MCF2L: variants seen among roughly 807,000 people sequenced by gnomAD.
MCF2L encodes the protein MCF.2 cell line derived transforming sequence like.
MCF2L carries 97 observed loss-of-function variants against 153.4 expected under a neutral mutation model. The ratio of observed to expected loss-of-function variants is 0.63; its 90% CI spans 0.54 to 0.75. The LOEUF is 0.75. Among genes scored for constraint, MCF2L ranks in the 30% least tolerant of loss-of-function variants. The pLI is 0.00. For missense variants in MCF2L, 1,347 were observed against 1,495.2 expected (o/e 0.90, Z 1.64); for synonymous variants, 659 against 632.2 (o/e 1.04, Z -0.64).
At chr13:112,973,393 T>G (rs989437272) in intron 1 of MCF2L, among the ~76,000 whole-genome samples, 4 of 152,228 alleles carry the variant, frequency 2.6e-5, no homozygotes, top group Non-Finnish European at 5.9e-5. Flanking sequence ...TACAGAAACA[T>G]TTAAAAAACA....
intron 2 of MCF2L, among the ~76,000 whole-genome samples, chr13:112,927,501 G>A (rs558513024): frequency 6.6e-6 from 1 of 152,128 alleles, no homozygotes; most frequent in South Asian, 2.1e-4. Flanking sequence ...TGTTTCCAAC[G>A]AGCCTACAAC....
chr13:112,919,274 C>T (rs1594325635), intron 2 of MCF2L, among the ~76,000 whole-genome samples: 5 of 136,290 alleles, frequency 3.7e-5, no homozygotes, highest in Admixed American at 3.2e-4. Context: ...GGCGGGATCT[C>T]GGCTCACTGC....
intron 3 of MCF2L, chr13:113,044,908 T>C (rs1315565098): frequency 6.2e-7 from 1 of 1,611,524 alleles, no homozygotes; most frequent in Non-Finnish European, 8.5e-7. Context: ...ATAAGACTGT[T>C]TTGGAGGGTT....
chr13:113,070,457 T>C lies in MCF2L; in HGVS notation c.996+284T>C, dbSNP rs191158753. ...GTAAAGTAGCAGGAAGCCTTTGCTC[T>C]CCCTTCATAGTCATTTGCATGCCCT... On this transcript the variant is annotated intron_variant, in intron 9 of 29. Coordinates refer to ENST00000535094, the MANE Select transcript of MCF2L (RefSeq NM_001112732.3). This position sits in a 1 kb window ranked among gnomAD's most constrained non-coding sequence, Gnocchi z 5.6. 1.2e-5 allele frequency: 3 copies of C among 242,878 alleles called. No individual in the cohort carries two copies. The highest frequency in any genetic ancestry group is 2.4e-5 in the Non-Finnish European group (3 of 126,876). 15.0% of individuals were successfully genotyped at this position (242,878 alleles called of 1,614,324 possible).
intron 2 of MCF2L, among the ~76,000 whole-genome samples, chr13:112,914,819 G>A (rs562690513): frequency 5.3e-5 from 8 of 151,564 alleles, no homozygotes; most frequent in African/African-American, 1.7e-4. Context: ...GAGTTTAGCT[G>A]TAGTGATGTG....
intron 11 of MCF2L, 141 bp from the exon 12 acceptor site, chr13:113,075,825 G>A: frequency 1.6e-6 from 1 of 630,372 alleles, no homozygotes; most frequent in Non-Finnish European, 2.7e-6. Context: ...CCCTTGGGGT[G>A]CTTTGGACAG....
At position 113,096,631 on chromosome 13, in the gene MCF2L, G is replaced by C; in HGVS notation, c.3270G>C (p.Ser1090=). 4 of 1,591,394 alleles carry C rather than the reference G, an allele frequency of 2.5e-6. No individual in the cohort carries two copies. Among genetic ancestry groups the C allele is most frequent in the Non-Finnish European group, 2.6e-6 (3 of 1,175,014 alleles). The change falls in exon 29 of 30, where the codon TCG becomes TCC. Residue 1090 remains serine (S), a synonymous_variant. Coordinates refer to ENST00000535094, the MANE Select transcript of MCF2L (RefSeq NM_001112732.3). ...CCGTCCGGCTCGGCCCGTCCGGCTC[G>C]GCCCAGTGCCTGAGCAGCTCAGGTA... The part of the protein sequence containing the change: ...SLSVRLGPSG[S]AQCLSSSESS...
chr13:113,071,444 T>A (rs9549656), intron 9 of MCF2L, among the ~76,000 whole-genome samples: 40,286 of 152,154 alleles, frequency 0.26, 5,953 homozygotes, highest in East Asian at 0.53. Flanking sequence ...CCTTTTAAGG[T>A]TTATACTTTT....
At chr13:112,924,679 A>G (rs1436842181) in intron 2 of MCF2L, among the ~76,000 whole-genome samples, 1 of 152,240 alleles carries the variant, frequency 6.6e-6, no homozygotes, top group East Asian at 1.9e-4. Flanking sequence ...ATTAATGCAT[A>G]CACTTAAGGA....
chr13:113,057,221 T>C (rs1258307368), intron 4 of MCF2L, among the ~76,000 whole-genome samples: 1 of 140,020 alleles, frequency 7.1e-6, no homozygotes, highest in Non-Finnish European at 1.5e-5. Context: ...TGCTGTGTGT[T>C]TGGGTACTGA....
intron 2 of MCF2L, among the ~76,000 whole-genome samples, chr13:112,918,668 G>C (rs1359226127): frequency 6.6e-6 from 1 of 152,222 alleles, no homozygotes; most frequent in African/African-American, 2.4e-5. Context: ...CACTCAGCTG[G>C]CTGGCATTTC....
intron 1 of MCF2L, among the ~76,000 whole-genome samples, chr13:112,970,620 C>T (rs528810788): frequency 9.9e-5 from 15 of 152,118 alleles, no homozygotes; most frequent in East Asian, 3.9e-4. Context: ...GGGAGGCTTC[C>T]GATCGGCTGT....
At chr13:112,950,524 G>A (rs562426012) in intron 2 of MCF2L, among the ~76,000 whole-genome samples, 111 of 152,288 alleles carry the variant, frequency 7.3e-4, no homozygotes, top group African/African-American at 2.6e-3. Flanking sequence ...GTGGTCCTGG[G>A]CAGACTGACA....
Position 113,088,676 on chromosome 13 carries a change from G to A in MCF2L, c.2834+48G>A, listed in dbSNP as rs146544269. ...AGGCCTGCGTTTCTGGAGCAGTCCC[G>A]AGCAGGCCATTTGCACGCCAGGGTC... On this transcript the variant is annotated intron_variant, in intron 25 of 29. Coordinates refer to ENST00000535094, the MANE Select transcript of MCF2L (RefSeq NM_001112732.3). The A allele has an allele frequency of 6.2e-3, 9,757 of 1,577,066 alleles. 54 individuals carry two copies. Among genetic ancestry groups the A allele is most frequent in the Middle Eastern group, 9.1e-3 (54 of 5,950 alleles).
At chr13:113,061,733 C>CTCCCTCTTCCCTTTCCCCTCCCT (rs1594888762) in intron 5 of MCF2L, among the ~76,000 whole-genome samples, 4 of 92,648 alleles carry the variant, frequency 4.3e-5, no homozygotes, top group African/African-American at 1.7e-4. Flanking sequence ...TTGCCCTCCC[C>CTCCCTCTTCCCTTTCCCCTCCCT]TCCCTCTTCC....
rs796956427 is a variant in MCF2L, at chr13:112,989,438, C to T, written c.79+19980C>T. Among the ~76,000 whole-genome samples the T allele has an allele frequency of 1.8e-4, 13 of 72,896 alleles. No individual in the cohort carries two copies. In the South Asian group the frequency reaches 6.1e-3, roughly 34 times the overall value. 47.8% of individuals were successfully genotyped at this position (72,896 alleles called of 152,430 possible). A position where few individuals can be genotyped will look rare whatever the true frequency, so the allele number is the denominator to read the frequency against. Reference sequence around the variant, plus strand: ...CCCTGAGCAGGACATGGAGCTACCACGCCCGAGTCCTCCCTGAGCAGGACA... The same window carrying T: ...CCCTGAGCAGGACATGGAGCTACCATGCCCGAGTCCTCCCTGAGCAGGACA... On this transcript the variant is annotated intron_variant, in intron 1 of 29. Transcript: ENST00000535094.
chr13:113,035,011 C>T lies in MCF2L; in HGVS notation c.278+10253C>T, dbSNP rs903401852. On this transcript the variant is annotated intron_variant, in intron 3 of 29. Coordinates refer to ENST00000535094, the MANE Select transcript of MCF2L (RefSeq NM_001112732.3). This position sits in a 1 kb window ranked among gnomAD's most constrained non-coding sequence, Gnocchi z 4.4. ...GACCTATGGCGCCCACACCGGAGGG[C>T]GGGAAAAGGAGGAAGAGCATGGCCC... Among the ~76,000 whole-genome samples the T allele has an allele frequency of 3.9e-5, 6 of 152,174 alleles. No individual in the cohort carries two copies. The highest frequency in any genetic ancestry group is 9.7e-5 in the African/African-American group (4 of 41,428).
At chr13:112,979,784 A>G in intron 1 of MCF2L, 1 of 1,598,736 alleles carries the variant, frequency 6.3e-7, no homozygotes, top group South Asian at 1.1e-5. Context: ...GTCGCAGGGC[A>G]TGGGGGCAGG....
At chr13:113,040,412 C>CTCTGTGTGTGTGTGTGTGTGTGTG (rs1555372582) in intron 3 of MCF2L, 3 of 140,166 alleles carry the variant, frequency 2.1e-5, no homozygotes, top group Non-Finnish European at 4.6e-5. Context: ...GAGGGCCTTC[C>CTCTGTGTGTGTGTGTGTGTGTGTG]TGTGTGTGTG....
Sources: gnomAD v4.1 joint callset for allele counts (sites outside exome capture counted in the v4.1 genomes callset) on GRCh38, gnomAD v4.1.1 for gene constraint, Gnocchi (gnomAD v3.1) non-coding constraint, MANE v1.5 for transcripts, NCBI Gene and HGNC (gene_info 2026-07-23, HGNC 2026-07-21) for gene names.